Variants in NCAM1 observed in about 807,000 individuals in gnomAD.
NCAM1 encodes the protein neural cell adhesion molecule 1, also known as antigen recognized by monoclonal antibody 5.1H11.
Under a neutral mutation model 109.8 loss-of-function variants are expected in NCAM1, and 14 were observed. The ratio of observed to expected loss-of-function variants is 0.13; its 90% CI spans 0.08 to 0.20. NCAM1 has a LOEUF of 0.20. NCAM1 is among the 10% of genes least tolerant of loss of function. The pLI is 1.00. For missense variants in NCAM1, 774 were observed against 1,109.9 expected (o/e 0.70, Z 4.30); for synonymous variants, 418 against 442.9 (o/e 0.94, Z 0.70).
At chr11:112,969,979 A>G (rs553389785) in intron 1 of NCAM1, among the ~76,000 whole-genome samples, 13 of 152,222 alleles carry the variant, frequency 8.5e-5, no homozygotes, top group East Asian at 1.9e-4. Context: ...GTCTGGGGGA[A>G]AAAAGAGGTA....
At chr11:113,130,280 T>G (rs1254821181) in intron 1 of NCAM1, among the ~76,000 whole-genome samples, 2 of 152,264 alleles carry the variant, frequency 1.3e-5, no homozygotes, top group African/African-American at 4.8e-5. Flanking sequence ...TTTAGAAGCT[T>G]GTCATGGTTT....
In NCAM1 at chr11:113,026,898, C is replaced by T. The variant is rs140745311; in HGVS notation, c.52+65234C>T. On this transcript the variant is annotated intron_variant, in intron 1 of 19. Coordinates refer to ENST00000316851, the MANE Select transcript of NCAM1 (RefSeq NM_181351.5). ...CTCATGCCAGATATTTAGTATGTGG[C>T]AGACCTGGACTCAGACCCAGTTCCC... Among the ~76,000 whole-genome samples the T allele has an allele frequency of 3.0e-3, 455 of 152,286 alleles. 1 individual carries two copies. The highest frequency in any genetic ancestry group is 0.01 in the African/African-American group (431 of 41,564).
rs1334857785 is a variant in NCAM1 at position 112,990,801 on chromosome 11, G to C, written c.52+29137G>C. Among the ~76,000 whole-genome samples the C allele has an allele frequency of 2.0e-5, 3 of 152,198 alleles. No homozygotes were observed. The East Asian group carries it at 5.8e-4, about 29-fold the overall frequency. On this transcript the variant is annotated intron_variant, in intron 1 of 19. Coordinates refer to ENST00000316851, the MANE Select transcript of NCAM1 (RefSeq NM_181351.5). The stretch of plus-strand genomic sequence containing the variant: ...TGGGTCTGGAGCTAGGGCCATGGTA[G>C]GAGAGTCTGTCACCTCGGTGTAGTG...
chr11:113,077,688 C>CTT (rs10535004), intron 1 of NCAM1, among the ~76,000 whole-genome samples: 1 of 145,608 alleles, frequency 6.9e-6, no homozygotes, highest in Non-Finnish European at 1.5e-5. Flanking sequence ...TAAGGAAGTA[C>CTT]TTTTTTTTTT....
intron 1 of NCAM1, among the ~76,000 whole-genome samples, chr11:113,117,136 C>T (rs1940747073): frequency 1.3e-5 from 2 of 151,958 alleles, no homozygotes; most frequent in Non-Finnish European, 1.5e-5. Context: ...TCCTAATGCT[C>T]TCTAAACAGA....
chr11:113,205,466 A>G, intron 3 of NCAM1, 57 bp from the exon 4 acceptor site: 5 of 1,568,066 alleles, frequency 3.2e-6, no homozygotes, highest in Non-Finnish European at 4.3e-6. Context: ...CTCTAGTGAA[A>G]GGGGTTCTTT....
chr11:113,084,090 A>C (rs1384433866), intron 1 of NCAM1, among the ~76,000 whole-genome samples: 2 of 152,200 alleles, frequency 1.3e-5, no homozygotes, highest in African/African-American at 4.8e-5. Flanking sequence ...TCATGGAAAG[A>C]TCTTGGTAGG....
At chr11:113,208,024 G>A in intron 7 of NCAM1, 22 bp downstream of exon 7, 1 of 1,592,392 alleles carries the variant, frequency 6.3e-7, no homozygotes. Context: ...GGGGGCCCAG[G>A]TCACTGCTCT....
chr11:113,083,570 T>C (rs943551762), intron 1 of NCAM1, among the ~76,000 whole-genome samples: 14 of 152,210 alleles, frequency 9.2e-5, no homozygotes, highest in African/African-American at 3.1e-4. Flanking sequence ...TTGACAGGTA[T>C]TAGGTGCTAG....
chr11:113,045,151 A>G (rs1424839934), intron 1 of NCAM1, among the ~76,000 whole-genome samples: 3 of 152,248 alleles, frequency 2.0e-5, no homozygotes, highest in African/African-American at 7.2e-5. Context: ...AAATAAAGAT[A>G]CAAGTGTTTA....
chr11:113,127,953 C>T (rs1409991229), intron 1 of NCAM1, among the ~76,000 whole-genome samples: 9 of 152,184 alleles, frequency 5.9e-5, no homozygotes, highest in African/African-American at 2.2e-4. Context: ...AGGGCGGCTG[C>T]TTATCACATG....
intron 7 of NCAM1, among the ~76,000 whole-genome samples, chr11:113,210,700 CA>C (rs1181297843): frequency 7.3e-5 from 11 of 150,486 alleles, no homozygotes; most frequent in Non-Finnish European, 1.6e-4. Context: ...GGGAGGAGGT[CA>C]AAAGGCAGAA....
At chr11:113,236,433 G>T in intron 14 of NCAM1, 1 of 1,128,410 alleles carries the variant, frequency 8.9e-7, no homozygotes, top group Non-Finnish European at 1.3e-6. Context: ...AGATGATATT[G>T]TCTGGGCCCT....
rs190861204 is a variant in NCAM1 at position 113,227,104 on chromosome 11, G to A, written c.1090-4541G>A. Among the ~76,000 whole-genome samples the A allele has an allele frequency of 6.0e-4, 91 of 152,098 alleles. No individual in the cohort carries two copies. In the East Asian group the frequency reaches 0.016, roughly 26 times the overall value. On this transcript the variant is annotated intron_variant, in intron 9 of 19. Transcript: ENST00000316851. ...TCAGAGCAGAACTGAAGGAGACAGAGACACAAAAAACCCTTCAAAAAATCA... is the reference window on the plus strand; with the variant it reads ...TCAGAGCAGAACTGAAGGAGACAGAAACACAAAAAACCCTTCAAAAAATCA...
intron 1 of NCAM1, among the ~76,000 whole-genome samples, chr11:113,171,187 G>A (rs1267474756): frequency 1.3e-5 from 2 of 152,202 alleles, no homozygotes; most frequent in Non-Finnish European, 1.5e-5. Context: ...GGAAACAGGT[G>A]TTCAGAGACA....
intron 1 of NCAM1, among the ~76,000 whole-genome samples, chr11:112,982,376 A>C (rs1555068898): frequency 6.6e-6 from 1 of 151,972 alleles, no homozygotes; most frequent in Non-Finnish European, 1.5e-5. Flanking sequence ...GTAAACAAGA[A>C]CTGGGGATGG....
intron 17 of NCAM1, chr11:113,264,476 G>C (rs977985596): frequency 2.0e-6 from 2 of 985,622 alleles, no homozygotes; most frequent in African/African-American, 3.5e-5. Flanking sequence ...TGGAGTCCCA[G>C]ATGGCGCTTC....
At chr11:113,091,359 A>G (rs1284967369) in intron 1 of NCAM1, among the ~76,000 whole-genome samples, 11 of 151,996 alleles carry the variant, frequency 7.2e-5, no homozygotes, top group African/African-American at 2.4e-4. Flanking sequence ...TTATCTCAGG[A>G]TGGTATGCTG....
intron 1 of NCAM1, among the ~76,000 whole-genome samples, chr11:112,990,348 C>T (rs1370864142): frequency 2.6e-5 from 4 of 152,096 alleles, no homozygotes; most frequent in African/African-American, 9.7e-5. Flanking sequence ...CTTTAGGGCC[C>T]ACAGCTGGGA....
Sources: allele counts gnomAD v4.1 joint callset (sites outside exome capture counted in the v4.1 genomes callset), GRCh38; gene constraint gnomAD v4.1.1; transcripts MANE v1.5; gene names NCBI Gene and HGNC (gene_info 2026-07-23, HGNC 2026-07-21).